The following ZNF365 variants were observed in gnomAD, a reference collection of about 807,000 sequenced individuals.
The protein encoded by ZNF365 is protein ZNF365.
Under a neutral mutation model 35.0 loss-of-function variants are expected in ZNF365, and 22 were observed. That is an observed-to-expected ratio of 0.63 (90% CI 0.45 to 0.90). The LOEUF (loss-of-function observed/expected upper bound fraction) is 0.90, where lower values mean the gene tolerates loss of function less well. ZNF365 is among the 40% of genes least tolerant of loss of function. The pLI is 0.00. For synonymous variants in ZNF365, 188 were observed against 196.2 expected (o/e 0.96, Z 0.35); for missense variants, 448 against 500.3 (o/e 0.90, Z 1.00).
chr10:62,399,751 G>T lies in ZNF365; in HGVS notation c.1186G>T (p.Ala396Ser). ...CAAAGGCAACATCAGGCCCAAAATGGCTAAAAAAAAGCCAACAGCCATTGT... is the reference window on the plus strand; with the variant it reads ...CAAAGGCAACATCAGGCCCAAAATGTCTAAAAAAAAGCCAACAGCCATTGT... Reference protein sequence around the residue: ...GRKGNIRPKMAKKKPTAIVNI... With the variant: ...GRKGNIRPKMSKKKPTAIVNI... Residue 396 changes from alanine (A) to serine (S), a missense_variant, in exon 5 of 5, where the codon GCT becomes TCT. Around this residue, in one of 3 missense-constraint regions of ZNF365, gnomAD observed 362 missense variants for 375.7 expected, o/e 0.96. Transcript: ENST00000395254. 1 of 1,613,680 alleles carries T rather than the reference G, an allele frequency of 6.2e-7. No individual in the cohort carries two copies. Among genetic ancestry groups the T allele is most frequent in the African/African-American group, 1.3e-5 (1 of 74,940 alleles).
chr10:62,409,019 G>T lies in ZNF365; in HGVS notation c.924+20443G>T, dbSNP rs182375207. ...GAATTCAAACCCCCTTCTTGTGACT[G>T]CAGGGAGATTCCTTCCCTAATGGGG... On this transcript the variant is annotated intron_variant, in intron 3 of 4. Transcript: ENST00000395255. 2.4e-3 allele frequency among the ~76,000 whole-genome samples: 372 copies of T among 152,256 alleles called. 3 individuals are homozygous for T. The highest frequency in any genetic ancestry group is 8.5e-3 in the African/African-American group (354 of 41,520).
chr10:62,453,406 T>C (rs962803990), intron 3 of ZNF365, among the ~76,000 whole-genome samples: 1 of 152,240 alleles, frequency 6.6e-6, no homozygotes, highest in Non-Finnish European at 1.5e-5. Flanking sequence ...GTTTCTGAGT[T>C]GTTTCACTTA....
At chr10:62,453,560 A>G (rs777772265) in intron 3 of ZNF365, among the ~76,000 whole-genome samples, 3 of 152,194 alleles carry the variant, frequency 2.0e-5, no homozygotes, top group Non-Finnish European at 4.4e-5. Context: ...TTAATTCCGT[A>G]TCTTTGCTAT....
At chr10:62,385,708 A>C (rs1354240791) in intron 2 of ZNF365, among the ~76,000 whole-genome samples, 1 of 152,212 alleles carries the variant, frequency 6.6e-6, no homozygotes, top group East Asian at 1.9e-4. Flanking sequence ...ATTACAACAA[A>C]TACTTATTCA....
intron 3 of ZNF365, among the ~76,000 whole-genome samples, chr10:62,418,608 TA>T (rs34217173): frequency 0.62 from 93,298 of 151,680 alleles, 29,383 homozygotes; most frequent in East Asian, 0.84. Context: ...ATTTTCGTAA[TA>T]AAAAAAATCA....
intron 3 of ZNF365, among the ~76,000 whole-genome samples, chr10:62,390,161 ATAGT>A (rs995906636): frequency 6.6e-6 from 1 of 152,136 alleles, no homozygotes; most frequent in Non-Finnish European, 1.5e-5. Flanking sequence ...ACTGGGCAAG[ATAGT>A]TAGTCTTCCT....
chr10:62,388,992 AT>A (rs1839576326), intron 3 of ZNF365, among the ~76,000 whole-genome samples: 1 of 151,950 alleles, frequency 6.6e-6, no homozygotes, highest in Admixed American at 6.6e-5. Flanking sequence ...CCACATACAC[AT>A]TTTTTTCCTT....
At chr10:62,420,064 A>G (rs1053674292) in intron 3 of ZNF365, among the ~76,000 whole-genome samples, 1 of 152,156 alleles carries the variant, frequency 6.6e-6, no homozygotes, top group African/African-American at 2.4e-5. Context: ...GTATTAGGTT[A>G]TGTTAATTTA....
intron 3 of ZNF365, among the ~76,000 whole-genome samples, chr10:62,396,417 A>C (rs547604423): frequency 6.6e-6 from 1 of 152,304 alleles, no homozygotes; most frequent in Non-Finnish European, 1.5e-5. Flanking sequence ...TGGAATGATG[A>C]TGCTTACCTC....
At chr10:62,421,720 T>C (rs1840171869) in intron 3 of ZNF365, among the ~76,000 whole-genome samples, 1 of 152,232 alleles carries the variant, frequency 6.6e-6, no homozygotes, top group African/African-American at 2.4e-5. Context: ...CCTGAGGTAA[T>C]TGAAAAGATC....
intron 3 of ZNF365, among the ~76,000 whole-genome samples, chr10:62,434,013 T>A (rs531323368): frequency 4.6e-5 from 7 of 152,174 alleles, no homozygotes; most frequent in Non-Finnish European, 7.4e-5. Flanking sequence ...TGCTAGTAAA[T>A]GAAAATGTGT....
At chr10:62,410,328 T>G (rs1839966830) in intron 3 of ZNF365, among the ~76,000 whole-genome samples, 1 of 152,164 alleles carries the variant, frequency 6.6e-6, no homozygotes, top group Non-Finnish European at 1.5e-5. Context: ...CTTTGAGGAA[T>G]TCCTGCAGTA....
At chr10:62,446,496 A>G (rs1372524732) in intron 3 of ZNF365, among the ~76,000 whole-genome samples, 8 of 152,224 alleles carry the variant, frequency 5.3e-5, no homozygotes, top group African/African-American at 1.9e-4. Context: ...AGTTCTGGAT[A>G]CATGCTAGCT....
intron 3 of ZNF365, among the ~76,000 whole-genome samples, chr10:62,426,850 T>A (rs573093273): frequency 6.6e-5 from 10 of 152,216 alleles, no homozygotes; most frequent in Non-Finnish European, 1.5e-4. Flanking sequence ...GATGATTAGT[T>A]TACACATCAA....
Position 62,459,680 on chromosome 10 carries a change from G to A in ZNF365, c.925-61G>A. ...ATGGCACTGCTTGTAGTCTTGCTGTGACTTATTCAGTCTACACACTAGCTC... is the reference window on the plus strand; with the variant it reads ...ATGGCACTGCTTGTAGTCTTGCTGTAACTTATTCAGTCTACACACTAGCTC... On this transcript the variant is annotated intron_variant, in intron 3 of 4. Coordinates refer to the ZNF365 transcript ENST00000395255. 3.3e-6 allele frequency: 5 copies of A among 1,537,296 alleles called. No homozygotes were observed. The South Asian group carries it at 6.0e-5, about 18-fold the overall frequency.
Position 62,402,257 on chromosome 10 carries a change from G to A in ZNF365, c.*2468G>A, listed in dbSNP as rs76815522. The stretch of plus-strand genomic sequence containing the variant: ...TAGGGAAGAAATCTTCCTTTGAACC[G>A]CTTTTCTTGCTTTTTCCCTTTTTCC... On this transcript the variant is annotated 3_prime_UTR_variant, in exon 5 of 5. Coordinates refer to ENST00000395254, the MANE Select transcript of ZNF365 (RefSeq NM_014951.3). 6,366 of 985,594 alleles carry A rather than the reference G, an allele frequency of 6.5e-3. 316 individuals carry two copies. The African/African-American group carries it at 0.1, about 16-fold the overall frequency. 61.1% of individuals were successfully genotyped at this position (985,594 alleles called of 1,614,324 possible).
At chr10:62,453,342 GAC>G (rs1222112836) in intron 3 of ZNF365, among the ~76,000 whole-genome samples, 2 of 152,062 alleles carry the variant, frequency 1.3e-5, no homozygotes, top group Non-Finnish European at 2.9e-5. Context: ...TGTCCACGTG[GAC>G]ACATTATTTA....
chr10:62,462,899 C>T (rs1840871037), intron 4 of ZNF365, among the ~76,000 whole-genome samples: 1 of 152,218 alleles, frequency 6.6e-6, no homozygotes, highest in South Asian at 2.1e-4. Flanking sequence ...GGATCTATCT[C>T]TGCCAGCTTG....
intron 3 of ZNF365, among the ~76,000 whole-genome samples, chr10:62,426,934 T>G (rs1275454632): frequency 6.6e-6 from 1 of 152,110 alleles, no homozygotes; most frequent in African/African-American, 2.4e-5. Flanking sequence ...GAGTCTTCTC[T>G]CCAGCCAGCA....
Sources: gnomAD v4.1 joint callset for allele counts (sites outside exome capture counted in the v4.1 genomes callset) on GRCh38, gnomAD v4.1.1 for gene constraint, gnomAD v4.1.1 regional missense constraint, MANE v1.5 for transcripts, NCBI Gene and HGNC (gene_info 2026-07-23, HGNC 2026-07-21) for gene names.